Variants in GPM6A observed in about 807,000 individuals in gnomAD.
GPM6A encodes neuronal membrane glycoprotein M6-a.
Under a neutral mutation model 32.1 loss-of-function variants are expected in GPM6A, and 7 were observed. The ratio of observed to expected loss-of-function variants is 0.22; its 90% CI spans 0.12 to 0.41. GPM6A has a LOEUF of 0.41. Ranked by LOEUF, GPM6A falls within the 10% of genes least tolerant of loss-of-function variation. GPM6A has a pLI of 1.00. For missense variants in GPM6A, 235 were observed against 347.2 expected, an observed-to-expected ratio of 0.68 and a Z score of 2.57; for synonymous variants, 130 against 123.4, an observed-to-expected ratio of 1.05 and a Z score of -0.35.
intron 1 of GPM6A, among the ~76,000 whole-genome samples, chr4:175,835,627 G>GTATATATATATATATATA (rs35980764): frequency 2.0e-4 from 28 of 138,620 alleles, no homozygotes; most frequent in African/African-American, 7.0e-4. Flanking sequence ...GTGAGTGTGT[G>GTATATATATATATATATA]TATATATATA....
intron 3 of GPM6A, among the ~76,000 whole-genome samples, chr4:175,662,910 A>G (rs898366289): frequency 3.3e-5 from 5 of 152,192 alleles, no homozygotes; most frequent in African/African-American, 1.2e-4. Context: ...TGCTTATACA[A>G]TTGGAAGCAA....
intron 1 of GPM6A, among the ~76,000 whole-genome samples, chr4:175,765,904 C>G (rs1203948390): frequency 6.6e-6 from 1 of 152,150 alleles, no homozygotes; most frequent in African/African-American, 2.4e-5. Flanking sequence ...ACACACCTAA[C>G]CATTCTCCGT....
exon 1 of GPM6A, chr4:176,002,320 G>C (rs1259230512): frequency 6.3e-7 from 1 of 1,594,150 alleles, no homozygotes; most frequent in Non-Finnish European, 8.5e-7. Flanking sequence ...CATGGCCCGA[G>C]GTCCTGCTTC....
At chr4:175,898,606 C>G (rs1176686350) in intron 1 of GPM6A, among the ~76,000 whole-genome samples, 5 of 152,138 alleles carry the variant, frequency 3.3e-5, no homozygotes, top group African/African-American at 9.7e-5. Flanking sequence ...TCCATTTCTA[C>G]CTCTCAAACA....
At chr4:175,705,815 A>AT (rs942452790) in intron 1 of GPM6A, among the ~76,000 whole-genome samples, 1 of 152,056 alleles carries the variant, frequency 6.6e-6, no homozygotes, top group Non-Finnish European at 1.5e-5. Context: ...TGGAGAAGAT[A>AT]TTTTTTTCTT....
rs544889132 is a variant in GPM6A, at chr4:175,671,477, G to GAAAAAAAAAAAAAAA, written c.387+2188_387+2202dup. ...CGTAAGATACAATCTGCCTACAAACGAAAAAAAAAAAAAAAAAAAAAAAAA... is the reference window on the plus strand; with the variant it reads ...CGTAAGATACAATCTGCCTACAAACGAAAAAAAAAAAAAAAAAAAAAAAAAAAAAAAAAAAAAAAA... On this transcript the variant is annotated intron_variant, in intron 3 of 6. Coordinates refer to ENST00000393658, the MANE Select transcript of GPM6A (RefSeq NM_201591.3). Among the ~76,000 whole-genome samples the GAAAAAAAAAAAAAAA allele has an allele frequency of 5.3e-4, 13 of 24,408 alleles. 3 individuals are homozygous for GAAAAAAAAAAAAAAA. The East Asian group carries it at 0.01, about 19-fold the overall frequency. 16.0% of individuals were successfully genotyped at this position (24,408 alleles called of 152,430 possible).
Position 175,634,956 on chromosome 4 carries a change from A to T in GPM6A, c.786T>A (p.Leu262=). 6.2e-7 allele frequency: 1 copy of T among 1,613,818 alleles called. No homozygotes were observed. The highest frequency in any genetic ancestry group is 1.3e-5 in the African/African-American group (1 of 75,044). ...TGGAGCGAGTAGAGTGGATGTCATG[A>T]AGCTCTTGCTCTTCCTTCGACTTGA... ...EDIKSKEEQE[L]HDIHSTRSKE... The change falls in exon 7 of 7, where the codon CTT becomes CTA. Residue 262 remains leucine, a synonymous_variant. Transcript: ENST00000393658.
chr4:175,953,146 AC>A (rs1207447712), intron 1 of GPM6A, among the ~76,000 whole-genome samples: 2 of 152,004 alleles, frequency 1.3e-5, no homozygotes, highest in East Asian at 3.9e-4. Context: ...CATGCATTCT[AC>A]ATATCTAAAA....
intron 1 of GPM6A, among the ~76,000 whole-genome samples, chr4:175,724,262 C>T (rs1205603291): frequency 6.6e-6 from 1 of 152,100 alleles, no homozygotes; most frequent in African/African-American, 2.4e-5. Flanking sequence ...AAGTTGAACT[C>T]GGCCAGGTGT....
intron 1 of GPM6A, among the ~76,000 whole-genome samples, chr4:175,733,531 C>G (rs189792298): frequency 6.6e-6 from 1 of 151,982 alleles, no homozygotes; most frequent in Non-Finnish European, 1.5e-5. Flanking sequence ...AACAAGCAAA[C>G]TAAACTCAAT....
At chr4:175,743,595 T>C (rs1013306679) in intron 1 of GPM6A, among the ~76,000 whole-genome samples, 3 of 151,954 alleles carry the variant, frequency 2.0e-5, no homozygotes, top group African/African-American at 4.8e-5. Context: ...AAGACAAATG[T>C]GTCTGAAATA....
intron 1 of GPM6A, among the ~76,000 whole-genome samples, chr4:175,905,292 C>T (rs546461939): frequency 2.0e-5 from 3 of 152,176 alleles, no homozygotes; most frequent in African/African-American, 7.2e-5. Context: ...AATCCACTGC[C>T]TGTGGGCTAC....
intron 1 of GPM6A, among the ~76,000 whole-genome samples, chr4:175,960,419 C>T (rs1740128417): frequency 6.6e-6 from 1 of 152,096 alleles, no homozygotes; most frequent in South Asian, 2.1e-4. Flanking sequence ...AAATCTGTCC[C>T]ATTTTTTACA....
chr4:175,750,836 G>T (rs1287375424), intron 1 of GPM6A, among the ~76,000 whole-genome samples: 18 of 152,082 alleles, frequency 1.2e-4, no homozygotes. Context: ...GCCTCCCAAA[G>T]TGCTGGGATT....
Position 175,753,259 on chromosome 4 carries a change from G to A in GPM6A, c.38-51492C>T, listed in dbSNP as rs149328853. 7.7e-4 allele frequency among the ~76,000 whole-genome samples: 117 copies of A among 152,184 alleles called. 1 individual carries two copies. The highest frequency in any genetic ancestry group is 2.7e-3 in the African/African-American group (114 of 41,558). ...TAAGCTAAAAATAATACTTAGTGAT[G>A]TTTCATATTTATTATGAGAAAGCTG... On this transcript the variant is annotated intron_variant, in intron 1 of 6. Coordinates refer to ENST00000393658, the MANE Select transcript of GPM6A (RefSeq NM_201591.3).
chr4:175,998,446 G>A lies in GPM6A; in HGVS notation c.-23+3863C>T, dbSNP rs189685129. ...GCTGAGATTACAGGCGTGAGCCACC[G>A]CACCCGGCCTTGCTATCACTTCTTA... On this transcript the variant is annotated intron_variant, in intron 1 of 7. Coordinates refer to the GPM6A transcript ENST00000280187. 4.6e-3 allele frequency among the ~76,000 whole-genome samples: 694 copies of A among 152,232 alleles called. 18 individuals are homozygous for A. Among genetic ancestry groups the A allele is most frequent in the Admixed American group, 0.04 (617 of 15,292 alleles).
intron 1 of GPM6A, among the ~76,000 whole-genome samples, chr4:175,716,435 ATT>A (rs1286308949): frequency 1.3e-5 from 2 of 152,056 alleles, no homozygotes; most frequent in South Asian, 2.1e-4. Context: ...TGGAGAGGTA[ATT>A]CAAAAGTCTT....
chr4:175,802,097 T>C, intron 1 of GPM6A, among the ~76,000 whole-genome samples: 1 of 152,066 alleles, frequency 6.6e-6, no homozygotes, highest in African/African-American at 2.4e-5. Context: ...GCTGTCTCTT[T>C]GTGAATTAAA....
chr4:175,920,745 C>T (rs1044464671), intron 1 of GPM6A, among the ~76,000 whole-genome samples: 1 of 151,352 alleles, frequency 6.6e-6, no homozygotes, highest in Non-Finnish European at 1.5e-5. Context: ...GCTACTCAGG[C>T]GGCTGAGGCA....
Sources: gnomAD v4.1 joint callset for allele counts (sites outside exome capture counted in the v4.1 genomes callset) on GRCh38, gnomAD v4.1.1 for gene constraint, MANE v1.5 for transcripts, NCBI Gene and HGNC (gene_info 2026-07-23, HGNC 2026-07-21) for gene names.